SLC16A3: variants seen among roughly 807,000 people sequenced by gnomAD.
The protein encoded by SLC16A3 is solute carrier family 16 member 3.
SLC16A3 carries 22 observed loss-of-function variants against 25.0 expected under a neutral mutation model. The ratio of observed to expected loss-of-function variants is 0.88; its 90% CI spans 0.63 to 1.26. SLC16A3 has a LOEUF of 1.26. Ranked by LOEUF, SLC16A3 falls within the 50% of genes most tolerant of loss-of-function variation. The pLI is 0.00. For missense variants in SLC16A3, 731 were observed against 666.6 expected, an observed-to-expected ratio of 1.10 and a Z score of -1.06; for synonymous variants, 390 against 309.2, an observed-to-expected ratio of 1.26 and a Z score of -2.74.
rs375656989 is a variant in SLC16A3 at position 82,238,883 on chromosome 17, C to A, written c.1305C>A (p.Asp435Glu). The A allele has an allele frequency of 3.1e-6, 5 of 1,608,304 alleles. No homozygotes were observed. Among genetic ancestry groups the A allele is most frequent in the Non-Finnish European group, 8.5e-7 (1 of 1,176,624 alleles). ...AGAAGCTCCACAAGCCTCCTGCAGA[C>A]TCGGGGGTGGACTTGCGGGAGGTGG... is the stretch of plus-strand genomic sequence containing the variant. ...EEEKLHKPPADSGVDLREVEH... is the reference protein window; with the variant it reads ...EEEKLHKPPAESGVDLREVEH... Residue 435 changes from aspartate to glutamate, a missense_variant, in exon 5 of 5, where the codon GAC (aspartate) becomes GAA (glutamate). Coordinates refer to ENST00000582743, the MANE Select transcript of SLC16A3 (RefSeq NM_004207.4).
At chr17:82,221,910 C>T (rs4789698) in intron 1 of SLC16A3, among the ~76,000 whole-genome samples, 84,058 of 150,970 alleles carry the variant, frequency 0.56, 24,654 homozygotes, top group East Asian at 0.88. Flanking sequence ...CATAAAATAA[C>T]AGGCGCTGGT....
upstream of SLC16A3, among the ~76,000 whole-genome samples, chr17:82,227,682 GAGC>G (rs34021482): frequency 0.092 from 1,136 of 12,372 alleles, 222 homozygotes; most frequent in African/African-American, 0.42. Flanking sequence ...CCCTGGGCGG[GAGC>G]AGCACGGGCC....
At chr17:82,236,579 C>T (rs1052985750) in intron 2 of SLC16A3, 150 bp from the exon 3 acceptor site, 27 of 1,162,444 alleles carry the variant, frequency 2.3e-5, no homozygotes, top group South Asian at 1.2e-4. Flanking sequence ...GGCCTGCGCT[C>T]GGGGAGCCTG....
rs778739898 is a variant in SLC16A3, at chr17:82,238,297, C to T, written c.1123+404C>T. Among the ~76,000 whole-genome samples the T allele has an allele frequency of 2.7e-4, 41 of 152,354 alleles. No homozygotes were observed. In the Middle Eastern group the frequency reaches 0.017, roughly 63 times the overall value. On this transcript the variant is annotated intron_variant, in intron 4 of 4. Coordinates refer to ENST00000582743, the MANE Select transcript of SLC16A3 (RefSeq NM_004207.4). ...TGGAGCAGCCTTGCCCAGGCTCCGC[C>T]TGCCTGGCGAGGGGGTCCTGGGCTT...
At chr17:82,229,899 T>C (rs1208087137) in intron 1 of SLC16A3, 1 of 150,998 alleles carries the variant, frequency 6.6e-6, no homozygotes, top group Non-Finnish European at 1.5e-5. Flanking sequence ...GTGGCTGGAG[T>C]CGGTGAGGGA....
intron 2 of SLC16A3, 129 bp downstream of exon 2, chr17:82,236,360 G>A: frequency 1.1e-6 from 1 of 883,448 alleles, no homozygotes; most frequent in Non-Finnish European, 1.7e-6. Flanking sequence ...GAAGCCCTTG[G>A]GGCCAGGATC....
In SLC16A3 at chr17:82,236,054, C is replaced by G. The variant is rs567815704; in HGVS notation, c.46C>G (p.Pro16Ala). Residue 16 changes from proline to alanine, a missense_variant, in exon 2 of 5, where the codon CCT becomes GCT. Coordinates refer to ENST00000582743, the MANE Select transcript of SLC16A3 (RefSeq NM_004207.4). The part of the protein sequence containing the change: ...VDEGPTGVKA[P>A]DGGWGWAVLF... The stretch of plus-strand genomic sequence containing the variant: ...CGAGGGCCCCACAGGCGTCAAGGCC[C>G]CTGACGGCGGCTGGGGCTGGGCCGT... 6.2e-7 allele frequency: 1 copy of G among 1,612,674 alleles called. No homozygotes were observed. Among genetic ancestry groups the G allele is most frequent in the Non-Finnish European group, 8.5e-7 (1 of 1,179,862 alleles).
At position 82,238,922 on chromosome 17, in the gene SLC16A3, G is replaced by A. The variant is rs1477445820; in HGVS notation, c.1344G>A (p.Lys448=). 2 of 1,579,986 alleles carry A rather than the reference G, an allele frequency of 1.3e-6. No homozygotes were observed. The highest frequency in any genetic ancestry group is 1.8e-5 in the Admixed American group (1 of 57,086). The change falls in exon 5 of 5, where the codon AAG becomes AAA. Residue 448 remains lysine, a synonymous_variant. Coordinates refer to ENST00000582743, the MANE Select transcript of SLC16A3 (RefSeq NM_004207.4). ...VDLREVEHFL[K]AEPEKNGEVV... ...TGCGGGAGGTGGAGCATTTCCTGAA[G>A]GCTGAGCCTGAGAAAAACGGGGAGG...
Position 82,236,717 on chromosome 17 carries a change from T to C in SLC16A3, c.224-12T>C. 6.2e-7 allele frequency: 1 copy of C among 1,602,176 alleles called. No homozygotes were observed. The highest frequency in any genetic ancestry group is 8.5e-7 in the Non-Finnish European group (1 of 1,178,208). On this transcript the variant is annotated splice_polypyrimidine_tract_variant and intron_variant, in intron 2 of 4. Coordinates refer to ENST00000582743, the MANE Select transcript of SLC16A3 (RefSeq NM_004207.4). ...TGCAGGCCCGGCCCCTCTCAGCTGCTGCCCTCTCCAGGTCCGCTCTGCAGT... is the reference window on the plus strand; with the variant it reads ...TGCAGGCCCGGCCCCTCTCAGCTGCCGCCCTCTCCAGGTCCGCTCTGCAGT...
intron 1 of SLC16A3, among the ~76,000 whole-genome samples, chr17:82,233,291 T>C (rs2050529922): frequency 6.6e-6 from 1 of 152,118 alleles, no homozygotes; most frequent in Non-Finnish European, 1.5e-5. Context: ...CAGGTTGTGG[T>C]CTGGGGGCTT....
At chr17:82,219,492 G>A (rs947447101) in intron 1 of SLC16A3, among the ~76,000 whole-genome samples, 3 of 152,150 alleles carry the variant, frequency 2.0e-5, no homozygotes, top group Non-Finnish European at 2.9e-5. Context: ...CCGCCCGTAG[G>A]GTCTCGCAGG....
Position 82,239,588 on chromosome 17 carries a change from C to T in SLC16A3, c.*612C>T, listed in dbSNP as rs1203046636. On this transcript the variant is annotated 3_prime_UTR_variant, in exon 5 of 5. Coordinates refer to ENST00000582743, the MANE Select transcript of SLC16A3 (RefSeq NM_004207.4). Reference sequence around the variant, plus strand: ...CCGTGGCTCTGTCCTCGCCAGCTTTCCCTGCAGCGGCATAGCATTCGTAGC... The same window carrying T: ...CCGTGGCTCTGTCCTCGCCAGCTTTTCCTGCAGCGGCATAGCATTCGTAGC... 2 of 208,740 alleles carry T rather than the reference C, an allele frequency of 9.6e-6. No homozygotes were observed. Among genetic ancestry groups the T allele is most frequent in the Non-Finnish European group, 1.9e-5 (2 of 105,426 alleles). 12.9% of individuals were successfully genotyped at this position (208,740 alleles called of 1,614,324 possible). A position where few individuals can be genotyped will look rare whatever the true frequency, so the allele number is the denominator to read the frequency against.
Position 82,237,297 on chromosome 17 carries a change from G to A in SLC16A3, c.527G>A (p.Trp176Ter). ...LGQLLQDRYG[W>*]RGGFLILGGL... The stretch of plus-strand genomic sequence containing the variant: ...CAGCTGCTGCAGGACCGCTACGGCT[G>A]GCGGGGCGGCTTCCTCATCCTGGGC... Residue 176 changes from tryptophan to a stop codon, truncating the protein, a stop_gained, in exon 4 of 5, where the codon TGG becomes TAG. Transcript: ENST00000582743. LOFTEE classifies it high-confidence loss of function. The A allele has an allele frequency of 6.4e-7, 1 of 1,555,846 alleles. No individual in the cohort carries two copies. The highest frequency in any genetic ancestry group is 8.7e-7 in the Non-Finnish European group (1 of 1,150,062).
chr17:82,224,999 T>C (rs1599549039), upstream of SLC16A3, among the ~76,000 whole-genome samples: 1 of 152,172 alleles, frequency 6.6e-6, no homozygotes, highest in African/African-American at 2.4e-5. Flanking sequence ...AGCAGCCAGG[T>C]TAATATGTAT....
At chr17:82,227,114 C>T (rs530109775), upstream of SLC16A3, among the ~76,000 whole-genome samples, 13 of 152,208 alleles carry the variant, frequency 8.5e-5, no homozygotes, top group East Asian at 2.3e-3. Context: ...GAAGCCATGC[C>T]TAAGAGGGGG....
rs558051236 is a variant in SLC16A3 at position 82,236,131 on chromosome 17, C to T, written c.123C>T (p.Ala41=). The change falls in exon 2 of 5, where the codon GCC becomes GCT. Residue 41 remains alanine, a synonymous_variant. Transcript: ENST00000582743. The part of the protein sequence containing the change: ...ITGFSYAFPK[A]VSVFFKELIQ... The stretch of plus-strand genomic sequence containing the variant: ...GCTTCTCCTACGCCTTCCCCAAGGC[C>T]GTCAGTGTCTTCTTCAAGGAGCTCA... The T allele has an allele frequency of 2.8e-5, 45 of 1,613,242 alleles. 1 individual carries two copies. The South Asian group carries it at 3.4e-4, about 12-fold the overall frequency.
At chr17:82,220,554 T>C (rs1454124161) in intron 1 of SLC16A3, among the ~76,000 whole-genome samples, 2 of 152,160 alleles carry the variant, frequency 1.3e-5, no homozygotes, top group African/African-American at 2.4e-5. Context: ...GAGAATCACC[T>C]GAGCTCAGGA....
chr17:82,220,229 C>G (rs1474597575), intron 1 of SLC16A3, among the ~76,000 whole-genome samples: 1 of 152,188 alleles, frequency 6.6e-6, no homozygotes, highest in Non-Finnish European at 1.5e-5. Flanking sequence ...GGCTGTTCCT[C>G]CCCCAGTGCC....
rs1352991767 is a variant in SLC16A3 at position 82,237,422 on chromosome 17, C to A, written c.652C>A (p.Leu218Ile). 2 of 1,579,992 alleles carry A rather than the reference C, an allele frequency of 1.3e-6. No individual in the cohort carries two copies. The highest frequency in any genetic ancestry group is 3.6e-5 in the Admixed American group (2 of 55,712). The stretch of plus-strand genomic sequence containing the variant: ...GCCGCCGCGACCCTCCCGGCGCCTG[C>A]TAGACCTGAGCGTCTTCCGGGACCG... ...SGPPRPSRRL[L>I]DLSVFRDRGF... Residue 218 changes from leucine to isoleucine, a missense_variant, in exon 4 of 5, where the codon CTA becomes ATA. Transcript: ENST00000582743.
Sources: allele counts gnomAD v4.1 joint callset (sites outside exome capture counted in the v4.1 genomes callset), GRCh38; gene constraint gnomAD v4.1.1; transcripts MANE v1.5; gene names NCBI Gene and HGNC (gene_info 2026-07-23, HGNC 2026-07-21).